Variants in ENTREP2 observed in about 807,000 individuals in gnomAD.
ENTREP2 encodes the protein protein ENTREP2.
At chr15:29,424,651 A>G in the ENTREP2 span, among the ~76,000 whole-genome samples, 1 of 152,188 alleles carries the variant, frequency 6.6e-6, no homozygotes, top group African/African-American at 2.4e-5. Context: ...GGGGCCCTGC[A>G]AAGTCCTGGT....
the ENTREP2 span, among the ~76,000 whole-genome samples, chr15:29,511,351 T>TA: frequency 6.6e-6 from 1 of 151,684 alleles, no homozygotes; most frequent in Non-Finnish European, 1.5e-5. Context: ...TTTCTTTTTT[T>TA]TTTTTTTGAG....
At chr15:29,260,938 G>A in the ENTREP2 span, among the ~76,000 whole-genome samples, 2 of 152,150 alleles carry the variant, frequency 1.3e-5, no homozygotes, top group African/African-American at 4.8e-5. Flanking sequence ...AACCTGTTTC[G>A]CCTTTACAAA....
chr15:29,329,389 T>C, the ENTREP2 span, among the ~76,000 whole-genome samples: 4 of 151,712 alleles, frequency 2.6e-5, no homozygotes, highest in African/African-American at 9.7e-5. Flanking sequence ...GTATGAATTG[T>C]TCATCTCTAA....
chr15:29,138,568 TATGTGC>T, the ENTREP2 span, among the ~76,000 whole-genome samples: 44 of 93,616 alleles, frequency 4.7e-4, no homozygotes, highest in East Asian at 6.6e-3. Flanking sequence ...TGTGCATGTG[TATGTGC>T]ATGTGCATGT....
the ENTREP2 span, among the ~76,000 whole-genome samples, chr15:29,462,944 A>G: frequency 0.059 from 9,003 of 152,248 alleles, 900 homozygotes; most frequent in African/African-American, 0.2. Context: ...AGTTCCAGTT[A>G]ATAGTGATAA....
At chr15:29,362,694 A>G in the ENTREP2 span, among the ~76,000 whole-genome samples, 2 of 151,992 alleles carry the variant, frequency 1.3e-5, no homozygotes, top group African/African-American at 4.8e-5. Flanking sequence ...TCATCTTTCT[A>G]TTCTAGCTCG....
chr15:29,574,299 T>G, the ENTREP2 span, among the ~76,000 whole-genome samples: 1 of 151,974 alleles, frequency 6.6e-6, no homozygotes. Context: ...TGTTTCTTTG[T>G]TTTTGTTTTT....
the ENTREP2 span, among the ~76,000 whole-genome samples, chr15:29,544,385 T>G: frequency 2.0e-5 from 3 of 152,112 alleles, no homozygotes; most frequent in Non-Finnish European, 4.4e-5. Context: ...AGAGCTTCAC[T>G]TTTGCAAGAT....
the ENTREP2 span, among the ~76,000 whole-genome samples, chr15:29,539,924 G>A: frequency 6.6e-6 from 1 of 152,098 alleles, no homozygotes; most frequent in African/African-American, 2.4e-5. Context: ...CCACCTAGCT[G>A]CAAACGTGGC....
the ENTREP2 span, among the ~76,000 whole-genome samples, chr15:29,649,727 C>CAAAAAAAAAAAAAAA: frequency 4.5e-5 from 3 of 66,902 alleles, no homozygotes; most frequent in Non-Finnish European, 6.4e-5. Context: ...TCAACAACAA[C>CAAAAAAAAAAAAAAA]AAAAAAAAAA....
chr15:29,281,833 C>A, the ENTREP2 span, among the ~76,000 whole-genome samples: 3 of 152,192 alleles, frequency 2.0e-5, no homozygotes, highest in African/African-American at 7.2e-5. Flanking sequence ...GCCGTGCCAA[C>A]CCACTCCACC....
chr15:29,126,544 G>A, the ENTREP2 span: 50 of 1,463,814 alleles, frequency 3.4e-5, 1 homozygote, highest in Admixed American at 3.4e-4. Context: ...GGACGCTGGC[G>A]TGGGACAGGC....
chr15:29,470,775 C>T, the ENTREP2 span, among the ~76,000 whole-genome samples: 1 of 152,158 alleles, frequency 6.6e-6, no homozygotes, highest in Non-Finnish European at 1.5e-5. Flanking sequence ...ATATGCTAGC[C>T]CTGACAGTGA....
chr15:29,255,523 T>C, the ENTREP2 span, among the ~76,000 whole-genome samples: 1 of 152,106 alleles, frequency 6.6e-6, no homozygotes, highest in Non-Finnish European at 1.5e-5. Flanking sequence ...ACTAGGTATA[T>C]ACCCAAAGGA....
At chr15:29,554,769 G>C in the ENTREP2 span, among the ~76,000 whole-genome samples, 1 of 116,040 alleles carries the variant, frequency 8.6e-6, no homozygotes, top group Non-Finnish European at 1.7e-5. Context: ...CTACTGCTGT[G>C]GGGTTTTGCA....
chr15:29,377,754 G>C, the ENTREP2 span, among the ~76,000 whole-genome samples: 1 of 151,406 alleles, frequency 6.6e-6, no homozygotes, highest in African/African-American at 2.4e-5. Context: ...CCGGGTGGCA[G>C]AGGTTGCAGT....
the ENTREP2 span, among the ~76,000 whole-genome samples, chr15:29,182,803 G>A: frequency 6.6e-6 from 1 of 151,934 alleles, no homozygotes; most frequent in Non-Finnish European, 1.5e-5. Flanking sequence ...AGTATTTCCC[G>A]TAATGTGGTA....
At chr15:29,635,527 C>T in the ENTREP2 span, among the ~76,000 whole-genome samples, 1 of 152,116 alleles carries the variant, frequency 6.6e-6, no homozygotes, top group Non-Finnish European at 1.5e-5. Context: ...CACAGAGGAG[C>T]TCGGAAGTGT....
the ENTREP2 span, among the ~76,000 whole-genome samples, chr15:29,119,767 A>C: frequency 6.7e-6 from 1 of 150,088 alleles, no homozygotes; most frequent in Non-Finnish European, 1.5e-5. Flanking sequence ...ATCCTTGGGG[A>C]ATGAAGAGAA....
Sources: gnomAD v4.1 joint callset for allele counts (sites outside exome capture counted in the v4.1 genomes callset) on GRCh38, gnomAD v4.1.1 for gene constraint, MANE v1.5 for transcripts, NCBI Gene and HGNC (gene_info 2026-07-23, HGNC 2026-07-21) for gene names.